DHX9: variants seen among roughly 807,000 people sequenced by gnomAD.
DHX9 encodes the protein DExH-box helicase 9.
A neutral mutation model predicts 148.7 loss-of-function variants in DHX9; 27 were observed. The observed-to-expected ratio is 0.18, with a 90% CI of 0.13 to 0.25. The LOEUF (loss-of-function observed/expected upper bound fraction) is 0.25. Ranked by LOEUF, DHX9 falls within the 10% of genes least tolerant of loss-of-function variation. DHX9 has a pLI of 1.00. For synonymous variants in DHX9, 529 were observed against 516.6 expected (o/e 1.02, Z -0.33); for missense variants, 796 against 1,559.6 (o/e 0.51, Z 8.25).
At position 182,887,497 on chromosome 1, in the gene DHX9, G is replaced by T; in HGVS notation, c.*63G>T. On this transcript the variant is annotated 3_prime_UTR_variant, in exon 28 of 28. Coordinates refer to ENST00000367549, the MANE Select transcript of DHX9 (RefSeq NM_001357.5). Reference sequence around the variant, plus strand: ...GAAAAAAAGGCATGCTATGTGTTACGTGTTTTTTCCAGTATGTTTATTTGC... The same window carrying T: ...GAAAAAAAGGCATGCTATGTGTTACTTGTTTTTTCCAGTATGTTTATTTGC... 2 of 1,424,028 alleles carry T rather than the reference G, an allele frequency of 1.4e-6. No homozygotes were observed. Among genetic ancestry groups the T allele is most frequent in the African/African-American group, 1.4e-5 (1 of 70,616 alleles). 88.2% of individuals were successfully genotyped at this position (1,424,028 alleles called of 1,614,324 possible). A position where few individuals can be genotyped will look rare whatever the true frequency, so the allele number is the denominator to read the frequency against.
chr1:182,856,594 T>A lies in DHX9; in HGVS notation c.673+16T>A. On this transcript the variant is annotated intron_variant, in intron 7 of 27. Coordinates refer to ENST00000367549, the MANE Select transcript of DHX9 (RefSeq NM_001357.5). ...CTGGGCAGAAGTAAGTGTTACTGTT[T>A]CCCCAATATTCCAAGTCTCTGTATA... The A allele has an allele frequency of 6.2e-7, 1 of 1,611,460 alleles. No homozygotes were observed. Among genetic ancestry groups the A allele is most frequent in the Non-Finnish European group, 8.5e-7 (1 of 1,177,794 alleles).
chr1:182,841,014 C>T (rs868183131), intron 1 of DHX9, among the ~76,000 whole-genome samples: 2 of 152,124 alleles, frequency 1.3e-5, no homozygotes, highest in African/African-American at 2.4e-5. Context: ...AAACGACGGG[C>T]GGGCGCGGTG....
rs1449468478 is a variant in DHX9 at position 182,873,321 on chromosome 1, A to G, written c.1714+828A>G. 9.9e-5 allele frequency among the ~76,000 whole-genome samples: 15 copies of G among 152,068 alleles called. No homozygotes were observed. The South Asian group carries it at 1.9e-3, about 19-fold the overall frequency. ...GATAGTCATCTGGTAGCTGTGGGGGAAAAAAAAGAATTATGGTACATTCTA... is the reference window on the plus strand; with the variant it reads ...GATAGTCATCTGGTAGCTGTGGGGGGAAAAAAAGAATTATGGTACATTCTA... On this transcript the variant is annotated intron_variant, in intron 15 of 27. Transcript: ENST00000367549.
intron 3 of DHX9, among the ~76,000 whole-genome samples, chr1:182,844,234 G>A (rs1465093634): frequency 6.6e-6 from 1 of 152,200 alleles, no homozygotes; most frequent in Admixed American, 6.5e-5. Flanking sequence ...TCACAGGCAT[G>A]GGCCACTGCA....
intron 24 of DHX9, among the ~76,000 whole-genome samples, 190 bp downstream of exon 24, chr1:182,881,837 G>A (rs1394125094): frequency 6.6e-6 from 1 of 152,114 alleles, no homozygotes; most frequent in African/African-American, 2.4e-5. Flanking sequence ...CCTTATAGTG[G>A]TTTGCAAAGT....
At chr1:182,843,095 A>G (rs1055540210) in intron 2 of DHX9, among the ~76,000 whole-genome samples, 199 bp from the exon 3 acceptor site, 1 of 152,228 alleles carries the variant, frequency 6.6e-6, no homozygotes, top group Non-Finnish European at 1.5e-5. Flanking sequence ...AATCTGAGCC[A>G]CTTAAATTAT....
intron 27 of DHX9, among the ~76,000 whole-genome samples, chr1:182,886,115 A>AAT (rs1467184894): frequency 2.6e-5 from 4 of 152,190 alleles, no homozygotes; most frequent in Non-Finnish European, 1.5e-5. Context: ...TGATGGACTA[A>AAT]AATGGAATAG....
intron 12 of DHX9, among the ~76,000 whole-genome samples, chr1:182,860,510 G>A (rs571071017): frequency 1.3e-5 from 2 of 152,236 alleles, no homozygotes; most frequent in South Asian, 2.1e-4. Flanking sequence ...TTGATATTGA[G>A]TAAAAACCAG....
At chr1:182,855,085 A>G (rs1008787186) in intron 6 of DHX9, among the ~76,000 whole-genome samples, 1 of 152,206 alleles carries the variant, frequency 6.6e-6, no homozygotes, top group African/African-American at 2.4e-5. Flanking sequence ...ACTGATCAAA[A>G]TGATATTTAG....
rs1649313844 is a variant in DHX9 at position 182,886,154 on chromosome 1, GTCAT to G, written c.3462-927_3462-924del. On this transcript the variant is annotated intron_variant, in intron 27 of 27. Transcript: ENST00000367549. ...AATGAAAGAAGGAAGACAGATTACA[GTCAT>G]TTATTTTTATTTTTATTTTTTTTTA... is the stretch of plus-strand genomic sequence containing the variant. Among the ~76,000 whole-genome samples, 4 of 151,362 alleles carry G rather than the reference GTCAT, an allele frequency of 2.6e-5. 1 individual carries two copies. In the South Asian group the frequency reaches 8.3e-4, roughly 32 times the overall value.
At chr1:182,873,283 C>T (rs1648622141) in intron 15 of DHX9, among the ~76,000 whole-genome samples, 2 of 152,060 alleles carry the variant, frequency 1.3e-5, no homozygotes, top group Admixed American at 1.3e-4. Flanking sequence ...GAGTTGTTAC[C>T]ACAGTTTTCT....
chr1:182,873,382 A>G (rs144527432), intron 15 of DHX9, among the ~76,000 whole-genome samples: 10 of 152,220 alleles, frequency 6.6e-5, no homozygotes, highest in African/African-American at 2.4e-4. Context: ...AACAGTGTAG[A>G]CAGATACGAA....
chr1:182,876,717 T>A, intron 18 of DHX9, 113 bp from the exon 19 acceptor site: 1 of 937,062 alleles, frequency 1.1e-6, no homozygotes, highest in Admixed American at 2.4e-5. Flanking sequence ...TATTGGGTGA[T>A]CTTTTTAGGA....
chr1:182,861,351 A>G (rs929005018), intron 12 of DHX9, among the ~76,000 whole-genome samples: 2 of 152,168 alleles, frequency 1.3e-5, no homozygotes, highest in African/African-American at 2.4e-5. Context: ...AAAACTGGCT[A>G]TGGATTTTTT....
chr1:182,852,184 C>A, intron 3 of DHX9, 49 bp from the exon 4 acceptor site: 1 of 1,235,922 alleles, frequency 8.1e-7, no homozygotes, highest in Non-Finnish European at 1.2e-6. Flanking sequence ...TTTACTAGTC[C>A]CCGTGAAGGC....
At chr1:182,878,848 A>G (rs1188263813) in intron 20 of DHX9, among the ~76,000 whole-genome samples, 1 of 152,272 alleles carries the variant, frequency 6.6e-6, no homozygotes, top group African/African-American at 2.4e-5. Context: ...TGGCACTAAA[A>G]TTACATGAAC....
At chr1:182,859,239 A>C in intron 11 of DHX9, 122 bp downstream of exon 11, 1 of 768,328 alleles carries the variant, frequency 1.3e-6, no homozygotes, top group South Asian at 1.7e-5. Flanking sequence ...GATATGTACC[A>C]AACTGCTAAT....
intron 3 of DHX9, among the ~76,000 whole-genome samples, chr1:182,844,235 G>T (rs1667984990): frequency 6.6e-6 from 1 of 152,112 alleles, no homozygotes; most frequent in South Asian, 2.1e-4. Flanking sequence ...CACAGGCATG[G>T]GCCACTGCAC....
intron 19 of DHX9, 93 bp downstream of exon 19, chr1:182,876,996 C>G (rs1428708747): frequency 1.2e-6 from 1 of 806,060 alleles, no homozygotes; most frequent in Non-Finnish European, 2.0e-6. Context: ...TATTTTTAAA[C>G]TCCTGTGTTC....
Sources: gnomAD v4.1 joint callset for allele counts (sites outside exome capture counted in the v4.1 genomes callset) on GRCh38, gnomAD v4.1.1 for gene constraint, MANE v1.5 for transcripts, NCBI Gene and HGNC (gene_info 2026-07-23, HGNC 2026-07-21) for gene names.